The following USP48 variants were observed in gnomAD, a reference collection of about 807,000 sequenced individuals.
USP48 encodes ubiquitin carboxyl-terminal hydrolase 48.
A neutral mutation model predicts 150.7 loss-of-function variants in USP48; 43 were observed. The ratio of observed to expected loss-of-function variants is 0.29; its 90% CI spans 0.22 to 0.37. The LOEUF (loss-of-function observed/expected upper bound fraction) is 0.37, where lower values mean the gene tolerates loss of function less well. Among genes scored for constraint, USP48 ranks in the 10% least tolerant of loss-of-function variants. The probability of loss-of-function intolerance (pLI) is 1.00; values close to 1 mark genes in which losing one functional copy is unlikely to be tolerated. For missense variants in USP48, 813 were observed against 1,249.6 expected, an observed-to-expected ratio of 0.65 and a Z score of 5.27; for synonymous variants, 396 against 425.9, an observed-to-expected ratio of 0.93 and a Z score of 0.86.
chr1:21,755,444 C>A (rs1026666851), intron 3 of USP48, among the ~76,000 whole-genome samples: 1 of 152,074 alleles, frequency 6.6e-6, no homozygotes, highest in Non-Finnish European at 1.5e-5. Context: ...GCCTGTAGTT[C>A]CAACTACTCG....
rs186995427 is a variant in USP48 at position 21,679,336 on chromosome 1, C to T, written c.*81G>A. On this transcript the variant is annotated 3_prime_UTR_variant, in exon 27 of 27. Coordinates refer to ENST00000308271, the MANE Select transcript of USP48 (RefSeq NM_032236.8). ...GCATGTAATGGTTTAATTCTTAAAT[C>T]CACCTTTGCTTTAATGCCCTAACAT... 1 of 1,566,940 alleles carries T rather than the reference C, an allele frequency of 6.4e-7. No individual in the cohort carries two copies. Among genetic ancestry groups the T allele is most frequent in the Non-Finnish European group, 8.8e-7 (1 of 1,137,498 alleles).
intron 15 of USP48, among the ~76,000 whole-genome samples, chr1:21,714,277 A>G (rs528576942): frequency 1.3e-5 from 2 of 152,250 alleles, no homozygotes; most frequent in East Asian, 3.9e-4. Flanking sequence ...TTATTGTCCT[A>G]TTGATTTTAT....
At position 21,701,621 on chromosome 1, in the gene USP48, C is replaced by A; in HGVS notation, c.2623-19G>T. 6.2e-7 allele frequency: 1 copy of A among 1,610,686 alleles called. No homozygotes were observed. The highest frequency in any genetic ancestry group is 8.5e-7 in the Non-Finnish European group (1 of 1,177,244). ...TCATCACCTGAATGTGCCAGGACAA[C>A]AAAGAGAAGTAGGTCAGACCCTAGG... On this transcript the variant is annotated intron_variant, in intron 21 of 26. Transcript: ENST00000308271.
chr1:21,729,968 T>A, intron 9 of USP48, 136 bp from the exon 10 acceptor site: 1 of 1,061,980 alleles, frequency 9.4e-7, no homozygotes, highest in Non-Finnish European at 1.3e-6. Context: ...TCAAAGGCCA[T>A]AGAAATTTGG....
At position 21,757,763 on chromosome 1, in the gene USP48, G is replaced by A; in HGVS notation, c.155C>T (p.Pro52Leu). The A allele has an allele frequency of 6.2e-7, 1 of 1,603,324 alleles. No homozygotes were observed. Among genetic ancestry groups the A allele is most frequent in the Non-Finnish European group, 8.5e-7 (1 of 1,176,084 alleles). ...GVCRRNCKGNPNCLVGIGEHI... is the reference protein window; with the variant it reads ...GVCRRNCKGNLNCLVGIGEHI... ...CTCACCAATACCAACCAAGCAATTC[G>A]GATTTCCTTTGCAGTTTCGTCTAAG... Residue 52 changes from proline (P) to leucine (L), a missense_variant, in exon 2 of 27, where the codon CCG becomes CTG. Physicochemically the swap from Pro to Leu is moderately conservative, Grantham distance 98 (BLOSUM62 -3). Coordinates refer to ENST00000308271, the MANE Select transcript of USP48 (RefSeq NM_032236.8).
chr1:21,708,465 TC>T (rs1211686548), intron 15 of USP48, among the ~76,000 whole-genome samples: 1 of 151,854 alleles, frequency 6.6e-6, no homozygotes, highest in Non-Finnish European at 1.5e-5. Context: ...GCCATTCCAC[TC>T]CAGCCTGGGC....
At chr1:21,713,022 C>T (rs1411909888) in intron 15 of USP48, among the ~76,000 whole-genome samples, 3 of 152,196 alleles carry the variant, frequency 2.0e-5, no homozygotes, top group East Asian at 1.9e-4. Context: ...CCCTTGTATA[C>T]AATTTCTTCC....
chr1:21,771,116 A>G (rs982915289), intron 1 of USP48, among the ~76,000 whole-genome samples: 1 of 152,072 alleles, frequency 6.6e-6, no homozygotes, highest in East Asian at 1.9e-4. Context: ...ACAGAGCAAG[A>G]CTGTCTCAAA....
chr1:21,688,056 G>T (rs67730681), intron 24 of USP48, among the ~76,000 whole-genome samples: 9,580 of 152,176 alleles, frequency 0.063, 411 homozygotes, highest in Non-Finnish European at 0.08. Context: ...ACATTTCACA[G>T]TTCAAAATAA....
intron 15 of USP48, 107 bp downstream of exon 15, chr1:21,715,281 AT>A: frequency 4.1e-6 from 3 of 734,812 alleles, no homozygotes; most frequent in Non-Finnish European, 6.6e-6. Context: ...ATTAAAAAAA[AT>A]TTTTCCCAGG....
Position 21,690,036 on chromosome 1 carries a change from T to A in USP48, c.2947A>T (p.Ser983Cys). The A allele has an allele frequency of 6.2e-7, 1 of 1,614,160 alleles. No individual in the cohort carries two copies. The highest frequency in any genetic ancestry group is 8.5e-7 in the Non-Finnish European group (1 of 1,180,020). Residue 983 changes from serine to cysteine, a missense_variant, in exon 24 of 27, where the codon AGT becomes TGT. Ser to Cys is a moderately radical substitution (Grantham distance 112). Coordinates refer to ENST00000308271, the MANE Select transcript of USP48 (RefSeq NM_032236.8). ...QNLSIDGKIL[S>C]DDCATLGTLG... ...GTGCCTAGGGTGGCACAGTCATCAC[T>A]TAAAATCTTTCCATCAATTGACAAA...
At chr1:21,682,594 GGGCC>G (rs1355438080) in intron 25 of USP48, among the ~76,000 whole-genome samples, 9 of 151,960 alleles carry the variant, frequency 5.9e-5, no homozygotes, top group Non-Finnish European at 1.3e-4. Context: ...AAAGATTTGT[GGGCC>G]AGGCGTAGTG....
chr1:21,749,969 TC>T lies in USP48; in HGVS notation c.774+1537del, dbSNP rs930723656. 3.1e-4 allele frequency among the ~76,000 whole-genome samples: 47 copies of T among 152,152 alleles called. 1 individual carries two copies. Among genetic ancestry groups the T allele is most frequent in the African/African-American group, 1.0e-3 (43 of 41,418 alleles). ...AAGCCAAATGGTGCTTATCACCTCT[TC>T]AGTTACCCCGTGGTCCAAGACACCA... On this transcript the variant is annotated intron_variant, in intron 6 of 26. Transcript: ENST00000308271.
At chr1:21,757,946 A>G (rs182853421) in intron 1 of USP48, among the ~76,000 whole-genome samples, 163 bp from the exon 2 acceptor site, 4 of 152,320 alleles carry the variant, frequency 2.6e-5, no homozygotes, top group African/African-American at 4.8e-5. Context: ...AAGCATGCAT[A>G]TACTGCTGGT....
intron 8 of USP48, among the ~76,000 whole-genome samples, chr1:21,738,302 T>C (rs200017017): frequency 4.0e-5 from 6 of 150,426 alleles, no homozygotes; most frequent in South Asian, 2.1e-4. Flanking sequence ...AGGTGATCCA[T>C]CTGCCTCGGC....
At chr1:21,752,896 T>A in intron 4 of USP48, 96 bp downstream of exon 4, 1 of 1,438,102 alleles carries the variant, frequency 7.0e-7, no homozygotes, top group East Asian at 2.5e-5. Flanking sequence ...AAATTTAATT[T>A]TTAAAAAGCA....
At chr1:21,682,728 A>G (rs2097569505) in intron 25 of USP48, among the ~76,000 whole-genome samples, 1 of 152,132 alleles carries the variant, frequency 6.6e-6, no homozygotes, top group African/African-American at 2.4e-5. Flanking sequence ...TACAAAAATT[A>G]GCTGGGCATG....
chr1:21,762,096 G>A (rs551459792), intron 1 of USP48, among the ~76,000 whole-genome samples: 33 of 152,102 alleles, frequency 2.2e-4, no homozygotes, highest in African/African-American at 7.2e-4. Context: ...GCAAAACCCC[G>A]TCTCTACTAA....
intron 14 of USP48, 58 bp from the exon 15 acceptor site, chr1:21,715,515 A>C: frequency 8.7e-7 from 1 of 1,151,078 alleles, no homozygotes; most frequent in South Asian, 1.3e-5. Flanking sequence ...TAAAGTTGAA[A>C]GTAGCAGATA....
Sources: allele counts gnomAD v4.1 joint callset (sites outside exome capture counted in the v4.1 genomes callset), GRCh38; gene constraint gnomAD v4.1.1; transcripts MANE v1.5; gene names NCBI Gene and HGNC (gene_info 2026-07-23, HGNC 2026-07-21).